The following SBF2 variants were observed in gnomAD, a reference collection of about 807,000 sequenced individuals.
SBF2 encodes the protein myotubularin-related protein 13.
SBF2 carries 112 observed loss-of-function variants against 225.2 expected under a neutral mutation model. That is an observed-to-expected ratio of 0.50 (90% CI 0.43 to 0.58). The LOEUF (loss-of-function observed/expected upper bound fraction) is 0.58. Ranked by LOEUF, SBF2 falls within the 20% of genes least tolerant of loss-of-function variation. SBF2 has a pLI of 0.00. For synonymous variants in SBF2, 763 were observed against 773.3 expected (o/e 0.99, Z 0.22); for missense variants, 1,996 against 2,206.2 (o/e 0.90, Z 1.91).
At chr11:9,901,183 C>A (rs1024306976) in intron 16 of SBF2, among the ~76,000 whole-genome samples, 2 of 151,892 alleles carry the variant, frequency 1.3e-5, no homozygotes, top group Non-Finnish European at 2.9e-5. Context: ...GGCAAGAAAG[C>A]AAGGAATATG....
At chr11:10,184,516 A>G (rs1225827572) in intron 2 of SBF2, among the ~76,000 whole-genome samples, 1 of 152,212 alleles carries the variant, frequency 6.6e-6, no homozygotes, top group Non-Finnish European at 1.5e-5. Flanking sequence ...GACAGTTCAG[A>G]TAGTGTTAAG....
intron 16 of SBF2, among the ~76,000 whole-genome samples, chr11:9,930,810 G>A (rs61876944): frequency 1.3e-5 from 2 of 152,104 alleles, no homozygotes; most frequent in South Asian, 2.1e-4. Flanking sequence ...CCTCACCTGC[G>A]AAGAGCAAGA....
chr11:10,135,025 TG>T (rs1330088926), intron 2 of SBF2, among the ~76,000 whole-genome samples: 1 of 152,248 alleles, frequency 6.6e-6, no homozygotes, highest in Non-Finnish European at 1.5e-5. Context: ...AACTTGTTCC[TG>T]GACATCCAGG....
intron 13 of SBF2, among the ~76,000 whole-genome samples, chr11:9,976,199 G>C (rs1307729130): frequency 6.7e-6 from 1 of 150,354 alleles, no homozygotes; most frequent in Non-Finnish European, 1.5e-5. Flanking sequence ...TCAGCCTCCC[G>C]AGTAGCTGGG....
chr11:9,958,858 C>T (rs1033076750), intron 16 of SBF2: 2 of 653,402 alleles, frequency 3.1e-6, no homozygotes, highest in Non-Finnish European at 5.8e-6. Context: ...AGTAACCCTT[C>T]TTCTCCTGGC....
intron 1 of SBF2, among the ~76,000 whole-genome samples, chr11:10,233,363 G>C (rs1321610472): frequency 2.0e-5 from 3 of 151,878 alleles, no homozygotes; most frequent in African/African-American, 7.3e-5. Flanking sequence ...CTGTCTTAAA[G>C]TACAAGAACT....
At chr11:10,266,497 G>C (rs1160218062) in intron 1 of SBF2, among the ~76,000 whole-genome samples, 1 of 152,180 alleles carries the variant, frequency 6.6e-6, no homozygotes, top group African/African-American at 2.4e-5. Context: ...GAGACATTCT[G>C]AGTATGAAGT....
Position 9,810,008 on chromosome 11 carries a change from G to A in SBF2, c.4156-1006C>T, listed in dbSNP as rs181571321. Among the ~76,000 whole-genome samples the A allele has an allele frequency of 7.9e-5, 12 of 152,294 alleles. No individual in the cohort carries two copies. The East Asian group carries it at 2.1e-3, about 27-fold the overall frequency. On this transcript the variant is annotated intron_variant, in intron 30 of 39. Coordinates refer to ENST00000256190, the MANE Select transcript of SBF2 (RefSeq NM_030962.4). The stretch of plus-strand genomic sequence containing the variant: ...AAGAAACTCCTGGCTGGGTGTGGTG[G>A]CTCAACGCCTGTAATCCCAGCACTT...
At chr11:10,134,835 G>C (rs1954271739) in intron 2 of SBF2, among the ~76,000 whole-genome samples, 1 of 152,150 alleles carries the variant, frequency 6.6e-6, no homozygotes. Context: ...GGCTTTTCCA[G>C]GCACACAGTG....
intron 6 of SBF2, among the ~76,000 whole-genome samples, chr11:10,008,485 G>C (rs921825869): frequency 6.6e-6 from 1 of 152,160 alleles, no homozygotes; most frequent in Non-Finnish European, 1.5e-5. Context: ...AAGAAGAAAG[G>C]GCTCAGGAAA....
intron 33 of SBF2, 178 bp from the exon 34 acceptor site, chr11:9,790,861 C>G (rs751727570): frequency 1.9e-6 from 1 of 527,368 alleles, no homozygotes; most frequent in Non-Finnish European, 3.4e-6. Context: ...TGAATTTCAT[C>G]GCTACAGGGA....
chr11:10,187,569 TC>T (rs541836864), intron 2 of SBF2, among the ~76,000 whole-genome samples: 157 of 151,274 alleles, frequency 1.0e-3, no homozygotes, highest in Non-Finnish European at 1.6e-3. Flanking sequence ...TTGTGCCTCT[TC>T]CCCCCAATGA....
chr11:10,254,753 A>G (rs897136962), intron 1 of SBF2, among the ~76,000 whole-genome samples: 17 of 151,504 alleles, frequency 1.1e-4, no homozygotes, highest in Admixed American at 9.2e-4. Flanking sequence ...ATATTAAAAA[A>G]GTTAGCTGGG....
chr11:10,256,994 A>G (rs1287952865), intron 1 of SBF2, among the ~76,000 whole-genome samples: 1 of 152,210 alleles, frequency 6.6e-6, no homozygotes, highest in Non-Finnish European at 1.5e-5. Flanking sequence ...TCCTAGTAAA[A>G]ATACAGGTAA....
intron 28 of SBF2, among the ~76,000 whole-genome samples, chr11:9,826,101 C>T (rs1461914575): frequency 6.6e-6 from 1 of 152,160 alleles, no homozygotes; most frequent in Non-Finnish European, 1.5e-5. Flanking sequence ...AATACCAGTC[C>T]ACACCCCAAA....
intron 28 of SBF2, among the ~76,000 whole-genome samples, chr11:9,820,213 A>G (rs1854673491): frequency 6.6e-6 from 1 of 152,208 alleles, no homozygotes; most frequent in Non-Finnish European, 1.5e-5. Context: ...ATTAAGTTAT[A>G]AAATGCAAAA....
chr11:10,243,780 C>T (rs969315072), intron 1 of SBF2, among the ~76,000 whole-genome samples: 1 of 152,018 alleles, frequency 6.6e-6, no homozygotes, highest in African/African-American at 2.4e-5. Flanking sequence ...AGACCAATAA[C>T]AAATACGGAG....
intron 2 of SBF2, among the ~76,000 whole-genome samples, chr11:10,118,952 C>T (rs1374522424): frequency 6.7e-6 from 1 of 150,290 alleles, no homozygotes. Flanking sequence ...AAAAAACACT[C>T]AGCATCTTCC....
chr11:10,162,119 A>T (rs1363933397), intron 2 of SBF2, among the ~76,000 whole-genome samples: 1 of 152,132 alleles, frequency 6.6e-6, no homozygotes, highest in African/African-American at 2.4e-5. Flanking sequence ...AGAAAGCTGG[A>T]CAGAGCATGA....
Sources: gnomAD v4.1 joint callset for allele counts (sites outside exome capture counted in the v4.1 genomes callset) on GRCh38, gnomAD v4.1.1 for gene constraint, MANE v1.5 for transcripts, NCBI Gene and HGNC (gene_info 2026-07-23, HGNC 2026-07-21) for gene names.